The following MEI1 variants were observed in gnomAD, a reference collection of about 807,000 sequenced individuals.
MEI1 encodes meiosis inhibitor protein 1.
In MEI1, 103 loss-of-function variants were observed where a neutral mutation model predicts 146.2. The ratio of observed to expected loss-of-function variants is 0.70; its 90% confidence interval spans 0.60 to 0.83. The LOEUF (loss-of-function observed/expected upper bound fraction) is 0.83. MEI1 is among the 40% of genes least tolerant of loss of function. The pLI is 0.00. For missense variants in MEI1, 1,529 were observed against 1,533.0 expected (o/e 1.00, Z 0.04); for synonymous variants, 652 against 628.2 (o/e 1.04, Z -0.57).
chr22:41,701,659 G>A (rs974200895), intron 1 of MEI1, among the ~76,000 whole-genome samples: 1 of 152,136 alleles, frequency 6.6e-6, no homozygotes, highest in Non-Finnish European at 1.5e-5. Flanking sequence ...AATCAGAGAT[G>A]AATAAGACAG....
At chr22:41,722,398 A>G (rs942235322) in intron 6 of MEI1, among the ~76,000 whole-genome samples, 1 of 151,836 alleles carries the variant, frequency 6.6e-6, no homozygotes, top group African/African-American at 2.4e-5. Flanking sequence ...CCTGGCCTCA[A>G]GTGATCCTCT....
intron 26 of MEI1, among the ~76,000 whole-genome samples, chr22:41,786,955 C>CA (rs2076009717): frequency 6.6e-6 from 1 of 152,220 alleles, no homozygotes; most frequent in South Asian, 2.1e-4. Context: ...GAAGATGTCC[C>CA]AGGAGTGGGC....
intron 18 of MEI1, among the ~76,000 whole-genome samples, chr22:41,759,660 T>TAAATAAATAAATAAAA (rs767840041): frequency 2.0e-4 from 19 of 96,432 alleles, no homozygotes; most frequent in African/African-American, 6.4e-4. Flanking sequence ...AATAAATAAA[T>TAAATAAATAAATAAAA]AAAAATAAAA....
In MEI1 at chr22:41,795,322, G is replaced by T; in HGVS notation, c.3535-89G>T. ...GGCAGGTTCTGTGGGCTTCAGGACA[G>T]TGTCTCCTAAAGTTGGGGCACAGCA... On this transcript the variant is annotated intron_variant, in intron 28 of 30. Transcript: ENST00000401548. The surrounding 1 kb of genome is among the most constrained non-coding windows in gnomAD (Gnocchi z 4.2). The T allele has an allele frequency of 6.5e-7, 1 of 1,544,080 alleles. No individual in the cohort carries two copies.
intron 15 of MEI1, among the ~76,000 whole-genome samples, chr22:41,752,089 AGAAAC>A (rs1291704333): frequency 6.6e-6 from 1 of 152,070 alleles, no homozygotes; most frequent in Non-Finnish European, 1.5e-5. Context: ...AAAAAAGAAA[AGAAAC>A]TGTTATTGGA....
At chr22:41,759,629 CAAAAAATA>C (rs1480336791) in intron 18 of MEI1, among the ~76,000 whole-genome samples, 15 of 91,354 alleles carry the variant, frequency 1.6e-4, no homozygotes, top group African/African-American at 5.4e-4. Context: ...GACTCCGTCT[CAAAAAATA>C]AATAAATAAA....
chr22:41,738,968 AAAAT>A (rs983716011), intron 11 of MEI1, among the ~76,000 whole-genome samples: 67 of 151,956 alleles, frequency 4.4e-4, no homozygotes, highest in Middle Eastern at 3.4e-3. Context: ...TCCTCTCTTG[AAAAT>A]AAATAAATAA....
rs1259337638 is a variant in MEI1 at position 41,715,170 on chromosome 22, G to A, written c.424-871G>A. ...TTTCTATGGGCTAGGGATTGTATGA[G>A]GTGGTTTATATGTAATATCTCATTC... On this transcript the variant is annotated intron_variant, in intron 4 of 30. Coordinates refer to ENST00000401548, the MANE Select transcript of MEI1 (RefSeq NM_152513.4). Among the ~76,000 whole-genome samples the A allele has an allele frequency of 2.0e-5, 3 of 152,022 alleles. No homozygotes were observed. The East Asian group carries it at 5.8e-4, about 29-fold the overall frequency.
At chr22:41,744,943 C>T in intron 12 of MEI1, 30 bp from the exon 13 acceptor site, 1 of 1,418,992 alleles carries the variant, frequency 7.0e-7, no homozygotes, top group Non-Finnish European at 9.5e-7. Context: ...TACTTGATCA[C>T]TAGGTTCCTG....
At position 41,715,927 on chromosome 22, in the gene MEI1, T is replaced by A. The variant is rs143435695; in HGVS notation, c.424-114T>A. 113 of 721,284 alleles carry A rather than the reference T, an allele frequency of 1.6e-4. No individual in the cohort carries two copies. In the African/African-American group the frequency reaches 1.8e-3, roughly 11 times the overall value. The allele number at this position is 721,284 out of a possible 1,614,324, so 44.7% of individuals were successfully genotyped here. ...TAAGCTAAAAAAGCTGATTGCTGAC[T>A]GTGGTGAGAGACACATGCAATACAG... On this transcript the variant is annotated intron_variant, in intron 4 of 30. Transcript: ENST00000401548.
chr22:41,780,288 G>A (rs1314538809), intron 22 of MEI1, among the ~76,000 whole-genome samples: 2 of 152,176 alleles, frequency 1.3e-5, no homozygotes, highest in African/African-American at 2.4e-5. Flanking sequence ...CGGGGTGGAG[G>A]TACTGGTGTG....
At chr22:41,713,957 G>T in intron 3 of MEI1, 45 bp from the exon 4 acceptor site, 1 of 1,519,998 alleles carries the variant, frequency 6.6e-7, no homozygotes, top group East Asian at 2.4e-5. Context: ...GTGGACTCTG[G>T]GTTGGGGGTG....
At chr22:41,738,004 T>A (rs933625965) in intron 11 of MEI1, among the ~76,000 whole-genome samples, 1 of 152,224 alleles carries the variant, frequency 6.6e-6, no homozygotes, top group African/African-American at 2.4e-5. Context: ...AACACAGTAA[T>A]GTATTCAAAT....
At chr22:41,764,323 T>C (rs1302711986) in intron 19 of MEI1, among the ~76,000 whole-genome samples, 4 of 152,184 alleles carry the variant, frequency 2.6e-5, no homozygotes, top group Admixed American at 6.5e-5. Context: ...TAGAATATTA[T>C]TGTTTTGTAA....
chr22:41,744,515 TG>T lies in MEI1; in HGVS notation c.1447-457del. 3.7e-4 allele frequency among the ~76,000 whole-genome samples: 2 copies of T among 5,416 alleles called. 1 individual carries two copies. Among genetic ancestry groups the T allele is most frequent in the Non-Finnish European group, 9.0e-4 (2 of 2,216 alleles). 3.6% of individuals were successfully genotyped at this position (5,416 alleles called of 152,430 possible). On this transcript the variant is annotated intron_variant, in intron 12 of 30. Coordinates refer to ENST00000401548, the MANE Select transcript of MEI1 (RefSeq NM_152513.4). ...TTTTTTTTTTTTTTTTTTTTTTTTT[TG>T]AGACGGAGTCTCGCTCTGTCGCCCA...
chr22:41,795,987 G>A lies in MEI1; in HGVS notation c.3779+140G>A. 6.2e-7 allele frequency: 1 copy of A among 1,610,706 alleles called. No individual in the cohort carries two copies. The highest frequency in any genetic ancestry group is 8.5e-7 in the Non-Finnish European group (1 of 1,178,684). On this transcript the variant is annotated intron_variant, in intron 30 of 30. Transcript: ENST00000401548. This position sits in a 1 kb window ranked among gnomAD's most constrained non-coding sequence, Gnocchi z 4.2. ...GGTGGGTGATGTTCTGCAAGGTGTG[G>A]CTTTGGCTGACCTGTCTTGGCCTGG...
chr22:41,778,142 G>C (rs2148121488), intron 21 of MEI1, among the ~76,000 whole-genome samples: 1 of 152,202 alleles, frequency 6.6e-6, no homozygotes. Context: ...GCATGTGCCA[G>C]CATGATGACT....
At chr22:41,735,820 C>T (rs904845320) in intron 11 of MEI1, among the ~76,000 whole-genome samples, 2 of 152,196 alleles carry the variant, frequency 1.3e-5, no homozygotes, top group African/African-American at 4.8e-5. Context: ...CCCTGGTTCT[C>T]TTACTGTAGT....
chr22:41,743,010 T>C, intron 11 of MEI1, 70 bp from the exon 12 acceptor site: 1 of 1,100,362 alleles, frequency 9.1e-7, no homozygotes, highest in Non-Finnish European at 1.4e-6. Context: ...TCTCATTGCC[T>C]GAGAACCTGG....
Sources: gnomAD v4.1 joint callset for allele counts (sites outside exome capture counted in the v4.1 genomes callset) on GRCh38, gnomAD v4.1.1 for gene constraint, Gnocchi (gnomAD v3.1) non-coding constraint, MANE v1.5 for transcripts, NCBI Gene and HGNC (gene_info 2026-07-23, HGNC 2026-07-21) for gene names.